Variants in FRMD3 observed in about 807,000 individuals in gnomAD.
The protein encoded by FRMD3 is FERM domain containing 3.
FRMD3 carries 33 observed loss-of-function variants against 70.2 expected under a neutral mutation model. The ratio of observed to expected loss-of-function variants is 0.47; its 90% CI spans 0.36 to 0.63. The LOEUF is 0.63. Among genes scored for constraint, FRMD3 ranks in the 20% least tolerant of loss-of-function variants. FRMD3 has a pLI of 0.00. For synonymous variants in FRMD3, 279 were observed against 255.9 expected (o/e 1.09, Z -0.86); for missense variants, 632 against 711.4 (o/e 0.89, Z 1.27).
intron 3 of FRMD3, among the ~76,000 whole-genome samples, chr9:83,365,805 C>T (rs1824766663): frequency 6.6e-6 from 1 of 152,176 alleles, no homozygotes; most frequent in African/African-American, 2.4e-5. Context: ...CCTTAGATAG[C>T]GTACACAAGT....
chr9:83,378,740 ATAT>A lies in FRMD3; in HGVS notation c.253-5788_253-5786del, dbSNP rs1564047689. On this transcript the variant is annotated intron_variant, in intron 2 of 13. Transcript: ENST00000304195. ...ATATTATATATAATATATATACTTT[ATAT>A]TATATATAATATATAATTTATATTA... 9.8e-3 allele frequency among the ~76,000 whole-genome samples: 1,210 copies of A among 123,522 alleles called. 29 individuals are homozygous for A. Among genetic ancestry groups the A allele is most frequent in the African/African-American group, 0.04 (1,148 of 28,900 alleles). The allele number at this position is 123,522 out of a possible 152,430, so 81.0% of individuals were successfully genotyped here.
chr9:83,255,754 G>A (rs1038816334), intron 13 of FRMD3, among the ~76,000 whole-genome samples: 5 of 151,932 alleles, frequency 3.3e-5, no homozygotes, highest in African/African-American at 2.4e-5. Flanking sequence ...GAACCAAATC[G>A]TGAATAACCT....
intron 13 of FRMD3, among the ~76,000 whole-genome samples, chr9:83,255,301 G>A (rs932559494): frequency 2.6e-5 from 4 of 152,120 alleles, no homozygotes; most frequent in Non-Finnish European, 4.4e-5. Context: ...CTCAATATAT[G>A]CAGTAAAGGC....
intron 12 of FRMD3, among the ~76,000 whole-genome samples, chr9:83,293,600 C>T (rs1834534738): frequency 6.6e-6 from 1 of 152,226 alleles, no homozygotes; most frequent in African/African-American, 2.4e-5. Flanking sequence ...CACAACATTG[C>T]AATGTCCAGA....
intron 1 of FRMD3, among the ~76,000 whole-genome samples, chr9:83,438,282 CACTA>C (rs1284803011): frequency 1.3e-5 from 2 of 152,140 alleles, no homozygotes; most frequent in Non-Finnish European, 2.9e-5. Context: ...CTGAAATAAA[CACTA>C]ACTATTTGGA....
chr9:83,271,443 T>A (rs1392221728), intron 13 of FRMD3, among the ~76,000 whole-genome samples: 2 of 152,150 alleles, frequency 1.3e-5, no homozygotes, highest in Non-Finnish European at 2.9e-5. Flanking sequence ...ATATTTATGA[T>A]AGGAGGGGTA....
chr9:83,325,620 C>T (rs1022662775), intron 6 of FRMD3, among the ~76,000 whole-genome samples: 1 of 152,132 alleles, frequency 6.6e-6, no homozygotes, highest in Admixed American at 6.5e-5. Flanking sequence ...CCACTGCAAC[C>T]CACCTAAAAA....
intron 1 of FRMD3, among the ~76,000 whole-genome samples, chr9:83,491,229 G>A (rs1174016699): frequency 6.6e-6 from 1 of 152,134 alleles, no homozygotes; most frequent in African/African-American, 2.4e-5. Flanking sequence ...TGAGATAAAA[G>A]GAAAACTCAG....
intron 13 of FRMD3, among the ~76,000 whole-genome samples, chr9:83,288,866 G>C (rs1262112378): frequency 6.6e-6 from 1 of 152,174 alleles, no homozygotes; most frequent in Non-Finnish European, 1.5e-5. Flanking sequence ...AGTTTGACCA[G>C]GTTCCCTTTC....
At chr9:83,470,963 T>G (rs1281829106) in intron 1 of FRMD3, among the ~76,000 whole-genome samples, 2 of 152,228 alleles carry the variant, frequency 1.3e-5, no homozygotes, top group Non-Finnish European at 2.9e-5. Flanking sequence ...AACTAATTAA[T>G]GGTTACTAAC....
At chr9:83,322,276 C>T (rs138585907) in intron 6 of FRMD3, among the ~76,000 whole-genome samples, 1 of 152,244 alleles carries the variant, frequency 6.6e-6, no homozygotes, top group Non-Finnish European at 1.5e-5. Context: ...CACATCAACC[C>T]AAACAGTCCA....
chr9:83,251,665 G>A (rs1832435856), intron 13 of FRMD3, among the ~76,000 whole-genome samples: 1 of 152,150 alleles, frequency 6.6e-6, no homozygotes, highest in Non-Finnish European at 1.5e-5. Flanking sequence ...AGGTTAGAGA[G>A]GAACATAATG....
rs535019558 is a variant in FRMD3 at position 83,495,712 on chromosome 9, G to T, written c.147+42373C>A. Among the ~76,000 whole-genome samples, 13 of 152,292 alleles carry T rather than the reference G, an allele frequency of 8.5e-5. No homozygotes were observed. In the South Asian group the frequency reaches 1.7e-3, roughly 19 times the overall value. On this transcript the variant is annotated intron_variant, in intron 1 of 13. Transcript: ENST00000304195. ...AGTAAGCATCTTTTCTGTGACAAAA[G>T]TCATGGTGAATGGACATAGTACTCA...
chr9:83,567,122 G>A, the FRMD3 span, among the ~76,000 whole-genome samples: 1 of 152,224 alleles, frequency 6.6e-6, no homozygotes, highest in East Asian at 1.9e-4. Context: ...CTAGGCAGAG[G>A]TTCCCAAACC....
chr9:83,272,102 C>G (rs1375177659), intron 13 of FRMD3, among the ~76,000 whole-genome samples: 1 of 151,372 alleles, frequency 6.6e-6, no homozygotes, highest in African/African-American at 2.4e-5. Flanking sequence ...ATCTCTGTCT[C>G]CCTCTCTCTC....
At chr9:83,524,825 C>G (rs1564116496) in intron 1 of FRMD3, among the ~76,000 whole-genome samples, 3 of 152,012 alleles carry the variant, frequency 2.0e-5, no homozygotes, top group African/African-American at 2.4e-5. Context: ...AACAAAGAAC[C>G]AATAAATACT....
At chr9:83,367,537 C>T (rs950742584) in intron 3 of FRMD3, among the ~76,000 whole-genome samples, 5 of 152,138 alleles carry the variant, frequency 3.3e-5, no homozygotes, top group South Asian at 2.1e-4. Flanking sequence ...AAATTCACCA[C>T]GATTTTCCCT....
At chr9:83,556,002 C>A in the FRMD3 span, among the ~76,000 whole-genome samples, 6 of 152,170 alleles carry the variant, frequency 3.9e-5, no homozygotes, top group African/African-American at 1.4e-4. Flanking sequence ...TTTCTTCATT[C>A]TCTGTGGGTC....
intron 12 of FRMD3, 139 bp downstream of exon 12, chr9:83,298,609 A>T: frequency 1.5e-6 from 1 of 671,228 alleles, no homozygotes; most frequent in Non-Finnish European, 2.6e-6. Context: ...GCCCAGGCAA[A>T]TCTGTCTGAG....
Sources: gnomAD v4.1 joint callset for allele counts (sites outside exome capture counted in the v4.1 genomes callset) on GRCh38, gnomAD v4.1.1 for gene constraint, MANE v1.5 for transcripts, NCBI Gene and HGNC (gene_info 2026-07-23, HGNC 2026-07-21) for gene names.